PARD3B: variants seen among roughly 807,000 people sequenced by gnomAD.
The protein encoded by PARD3B is par-3 family cell polarity regulator beta, also known as partitioning defective 3 homolog B.
A neutral mutation model predicts 130.2 loss-of-function variants in PARD3B; 103 were observed. The ratio of observed to expected loss-of-function variants is 0.79; its 90% CI spans 0.67 to 0.93. The LOEUF is 0.93. Ranked by LOEUF, PARD3B falls within the 40% of genes least tolerant of loss-of-function variation. The pLI is 0.00. For synonymous variants in PARD3B, 583 were observed against 553.2 expected (o/e 1.05, Z -0.76); for missense variants, 1,609 against 1,499.2 (o/e 1.07, Z -1.21).
intron 1 of PARD3B, among the ~76,000 whole-genome samples, chr2:204,553,695 T>TATACAC (rs1372888110): frequency 1.7e-4 from 15 of 90,740 alleles, no homozygotes; most frequent in African/African-American, 7.5e-4. Context: ...TATATATATA[T>TATACAC]ACACACATAT....
chr2:204,863,568 A>G (rs1218145651), intron 2 of PARD3B, among the ~76,000 whole-genome samples: 2 of 152,238 alleles, frequency 1.3e-5, no homozygotes, highest in Non-Finnish European at 1.5e-5. Flanking sequence ...TGCCTGGCTA[A>G]GGAATCTAAC....
chr2:204,693,535 C>T (rs776979349), intron 2 of PARD3B, among the ~76,000 whole-genome samples: 1 of 151,992 alleles, frequency 6.6e-6, no homozygotes, highest in Admixed American at 6.6e-5. Context: ...CAGGAGAGCA[C>T]CTGGCCTGTA....
intron 2 of PARD3B, among the ~76,000 whole-genome samples, chr2:204,744,943 G>T (rs2040154981): frequency 6.6e-6 from 1 of 152,140 alleles, no homozygotes; most frequent in Non-Finnish European, 1.5e-5. Context: ...GCAACAGAAG[G>T]ACTGAGGGAA....
chr2:204,832,280 A>C (rs550629022), intron 2 of PARD3B, among the ~76,000 whole-genome samples: 1 of 152,184 alleles, frequency 6.6e-6, no homozygotes, highest in South Asian at 2.1e-4. Context: ...TTCTGGACCA[A>C]CTGGATGATT....
chr2:205,217,868 G>GTATATATATATA (rs1233399793), intron 15 of PARD3B, among the ~76,000 whole-genome samples: 2 of 47,146 alleles, frequency 4.2e-5, no homozygotes, highest in African/African-American at 1.8e-4. Context: ...GTGTGTGTGT[G>GTATATATATATA]TATATATATA....
chr2:204,751,939 A>G (rs1452081982), intron 2 of PARD3B, among the ~76,000 whole-genome samples: 1 of 152,168 alleles, frequency 6.6e-6, no homozygotes, highest in East Asian at 1.9e-4. Context: ...TCCATAATAC[A>G]TCTTGTTCAT....
At chr2:204,820,143 T>A (rs1381860249) in intron 2 of PARD3B, among the ~76,000 whole-genome samples, 1 of 142,158 alleles carries the variant, frequency 7.0e-6, no homozygotes, top group Non-Finnish European at 1.5e-5. Context: ...TGGTGCAATC[T>A]CAGCTTACTG....
rs117927550 is a variant in PARD3B at position 205,152,770 on chromosome 2, G to A, written c.1435-5952G>A. On this transcript the variant is annotated intron_variant, in intron 10 of 22. Coordinates refer to ENST00000406610, the MANE Select transcript of PARD3B (RefSeq NM_001302769.2). ...AGCCTACTTCTGTCAACTTGTCAGA[G>A]TCATTCTTTGTCCAGCTTTGTTCTC... Among the ~76,000 whole-genome samples the A allele has an allele frequency of 2.9e-3, 449 of 152,308 alleles. 6 individuals carry two copies. The East Asian group carries it at 0.032, about 11-fold the overall frequency.
intron 19 of PARD3B, among the ~76,000 whole-genome samples, chr2:205,438,324 G>A (rs974545098): frequency 9.2e-5 from 14 of 152,148 alleles, no homozygotes; most frequent in African/African-American, 2.9e-4. Context: ...ACAGATACCA[G>A]TGTTCTATTT....
intron 1 of PARD3B, among the ~76,000 whole-genome samples, chr2:204,593,034 G>T (rs1036446010): frequency 1.3e-5 from 2 of 152,140 alleles, no homozygotes; most frequent in Non-Finnish European, 2.9e-5. Context: ...TCTATTGGGG[G>T]ACATTTGGAT....
intron 2 of PARD3B, among the ~76,000 whole-genome samples, chr2:204,826,376 T>G (rs2043572759): frequency 6.6e-6 from 1 of 152,162 alleles, no homozygotes; most frequent in Non-Finnish European, 1.5e-5. Context: ...CAGCACTTGG[T>G]AGAGACAGGG....
At chr2:205,076,145 C>T (rs758316234) in intron 4 of PARD3B, among the ~76,000 whole-genome samples, 5 of 152,132 alleles carry the variant, frequency 3.3e-5, no homozygotes, top group African/African-American at 7.2e-5. Context: ...TTCTGAAGTG[C>T]AGGTTTAGAT....
intron 1 of PARD3B, among the ~76,000 whole-genome samples, chr2:204,620,233 C>A (rs2034249854): frequency 6.6e-6 from 1 of 152,140 alleles, no homozygotes; most frequent in South Asian, 2.1e-4. Context: ...GAACTCCTGA[C>A]CTCAGATGAT....
intron 2 of PARD3B, among the ~76,000 whole-genome samples, chr2:204,732,916 G>A (rs1292926430): frequency 2.6e-5 from 4 of 152,120 alleles, no homozygotes; most frequent in African/African-American, 9.7e-5. Flanking sequence ...CACAATTGGG[G>A]ATACAAGTGG....
intron 2 of PARD3B, among the ~76,000 whole-genome samples, chr2:204,829,872 G>A (rs895244462): frequency 7.2e-5 from 11 of 151,822 alleles, no homozygotes; most frequent in African/African-American, 1.2e-4. Context: ...GGTAGTGGGC[G>A]CCTGTAGTCC....
intron 3 of PARD3B, among the ~76,000 whole-genome samples, chr2:204,998,335 T>TACATATATATATATATATATATACAC (rs1361578552): frequency 1.6e-5 from 1 of 62,266 alleles, no homozygotes; most frequent in Non-Finnish European, 2.9e-5. Context: ...TATATATATA[T>TACATATATATATATATATATATACAC]ATATATATAT....
At chr2:205,209,353 A>C (rs1365236731) in intron 15 of PARD3B, among the ~76,000 whole-genome samples, 3 of 152,068 alleles carry the variant, frequency 2.0e-5, no homozygotes, top group Admixed American at 6.6e-5. Flanking sequence ...TGGCAACAAA[A>C]GACAAAATTG....
rs987138801 is a variant in PARD3B, at chr2:205,529,361, G to C, written c.3181-23963G>C. Among the ~76,000 whole-genome samples, 3 of 152,320 alleles carry C rather than the reference G, an allele frequency of 2.0e-5. No individual in the cohort carries two copies. The South Asian group carries it at 6.2e-4, about 32-fold the overall frequency. On this transcript the variant is annotated intron_variant, in intron 21 of 22. Transcript: ENST00000406610. The stretch of plus-strand genomic sequence containing the variant: ...TTTTTTAAAATGTAATTTGTCGGGT[G>C]TGACAACCAAGTCATCAGTTTAAGA...
Position 205,128,361 on chromosome 2 carries a change from C to G in PARD3B, c.1434+2624C>G, listed in dbSNP as rs909045373. ...TAATACCTTCTTCCTAGAAGCTATG[C>G]CCCTCCACCAGGTAAGGGATGCTGA... On this transcript the variant is annotated intron_variant, in intron 10 of 22. Transcript: ENST00000406610. This position sits in a 1 kb window ranked among gnomAD's most constrained non-coding sequence, Gnocchi z 4.5. Among the ~76,000 whole-genome samples the G allele has an allele frequency of 1.3e-5, 2 of 152,166 alleles. No individual in the cohort carries two copies. The highest frequency in any genetic ancestry group is 1.3e-4 in the Admixed American group (2 of 15,282).
Sources: gnomAD v4.1 joint callset for allele counts (sites outside exome capture counted in the v4.1 genomes callset) on GRCh38, gnomAD v4.1.1 for gene constraint, Gnocchi (gnomAD v3.1) non-coding constraint, MANE v1.5 for transcripts, NCBI Gene and HGNC (gene_info 2026-07-23, HGNC 2026-07-21) for gene names.